Variants in BMPR1B observed in about 807,000 individuals in gnomAD.
BMPR1B encodes bone morphogenetic protein receptor type 1B.
BMPR1B carries 12 observed loss-of-function variants against 59.1 expected under a neutral mutation model. The ratio of observed to expected loss-of-function variants is 0.20; its 90% CI spans 0.13 to 0.33. The LOEUF is 0.33. BMPR1B is among the 10% of genes least tolerant of loss of function. BMPR1B has a pLI of 1.00. For synonymous variants in BMPR1B, 237 were observed against 207.3 expected, an observed-to-expected ratio of 1.14 and a Z score of -1.23; for missense variants, 550 against 610.9, an observed-to-expected ratio of 0.90 and a Z score of 1.05.
intron 3 of BMPR1B, among the ~76,000 whole-genome samples, chr4:95,060,277 C>T (rs1727255995): frequency 6.6e-6 from 1 of 152,142 alleles, no homozygotes; most frequent in Non-Finnish European, 1.5e-5. Flanking sequence ...TTTATTCTTT[C>T]CCTACAGATA....
intron 1 of BMPR1B, among the ~76,000 whole-genome samples, chr4:94,809,777 G>A (rs755830343): frequency 1.1e-4 from 17 of 152,180 alleles, no homozygotes; most frequent in East Asian, 1.9e-4. Flanking sequence ...GCTTGCTCCC[G>A]TAGGGAACAA....
intron 3 of BMPR1B, among the ~76,000 whole-genome samples, chr4:95,033,792 AAGAT>A (rs1355861933): frequency 6.6e-5 from 10 of 152,158 alleles, no homozygotes; most frequent in Non-Finnish European, 1.0e-4. Context: ...AAAGATATCA[AAGAT>A]AGATAAAGAG....
chr4:95,006,386 A>AAG, intron 3 of BMPR1B, among the ~76,000 whole-genome samples: 1 of 151,624 alleles, frequency 6.6e-6, no homozygotes, highest in East Asian at 1.9e-4. Context: ...CAAAAAAAAA[A>AAG]AAAAGTTTTA....
intron 3 of BMPR1B, among the ~76,000 whole-genome samples, chr4:95,031,592 G>T (rs1211535068): frequency 6.6e-6 from 1 of 151,994 alleles, no homozygotes; most frequent in Non-Finnish European, 1.5e-5. Flanking sequence ...TCAAGTAGCT[G>T]GGACTACAGG....
At chr4:94,997,467 G>A (rs1002678999) in intron 3 of BMPR1B, among the ~76,000 whole-genome samples, 2 of 152,194 alleles carry the variant, frequency 1.3e-5, no homozygotes, top group Non-Finnish European at 2.9e-5. Flanking sequence ...TAGCTGTGCA[G>A]TATCACTTTT....
intron 3 of BMPR1B, among the ~76,000 whole-genome samples, chr4:95,083,200 C>T (rs891340197): frequency 6.6e-6 from 1 of 152,068 alleles, no homozygotes; most frequent in African/African-American, 2.4e-5. Flanking sequence ...ATATTTTTAA[C>T]ATAATCATCT....
chr4:94,836,800 T>A (rs1724836570), intron 1 of BMPR1B, among the ~76,000 whole-genome samples: 1 of 148,958 alleles, frequency 6.7e-6, no homozygotes. Flanking sequence ...CTGTTGCCAT[T>A]CCTTTTGGTG....
intron 6 of BMPR1B, among the ~76,000 whole-genome samples, chr4:95,120,807 CCCTT>C (rs1303724093): frequency 6.8e-6 from 1 of 147,252 alleles, no homozygotes; most frequent in African/African-American, 2.5e-5. Context: ...TCCCCTCCCT[CCCTT>C]CCTTACTTCC....
intron 1 of BMPR1B, among the ~76,000 whole-genome samples, chr4:94,795,840 A>G (rs981170826): frequency 6.6e-6 from 1 of 152,210 alleles, no homozygotes; most frequent in African/African-American, 2.4e-5. Context: ...ACAACAAACA[A>G]GCAGCCTCGG....
At chr4:94,955,063 T>C (rs1578846143) in intron 2 of BMPR1B, among the ~76,000 whole-genome samples, 1 of 152,314 alleles carries the variant, frequency 6.6e-6, no homozygotes, top group South Asian at 2.1e-4. Flanking sequence ...AGAACTTATG[T>C]TGCTTTATAG....
chr4:94,759,173 G>A (rs1448675941), intron 1 of BMPR1B, among the ~76,000 whole-genome samples: 1 of 152,218 alleles, frequency 6.6e-6, no homozygotes, highest in Admixed American at 6.5e-5. Flanking sequence ...GTTCCCTTGA[G>A]TTATTAGAAA....
At chr4:94,826,276 A>G (rs1224890630) in intron 1 of BMPR1B, among the ~76,000 whole-genome samples, 1 of 152,226 alleles carries the variant, frequency 6.6e-6, no homozygotes, top group Non-Finnish European at 1.5e-5. Flanking sequence ...GGTGAAGAAT[A>G]TTAAGGTTCA....
chr4:94,946,525 G>T (rs1729714923), intron 2 of BMPR1B, among the ~76,000 whole-genome samples: 1 of 152,140 alleles, frequency 6.6e-6, no homozygotes, highest in African/African-American at 2.4e-5. Context: ...CACAGGATCA[G>T]ATTTGAAATA....
intron 3 of BMPR1B, among the ~76,000 whole-genome samples, chr4:95,079,522 G>A (rs1306151568): frequency 2.0e-5 from 3 of 152,076 alleles, no homozygotes; most frequent in Non-Finnish European, 2.9e-5. Context: ...TTTCATGTAG[G>A]AAAAGAAGGT....
chr4:95,133,551 G>A (rs1733538912), intron 10 of BMPR1B, among the ~76,000 whole-genome samples: 1 of 152,060 alleles, frequency 6.6e-6, no homozygotes. Flanking sequence ...GATCTTCACA[G>A]TTTCTTCCTT....
intron 1 of BMPR1B, among the ~76,000 whole-genome samples, chr4:94,874,878 A>T (rs190249059): frequency 2.6e-5 from 4 of 152,162 alleles, no homozygotes; most frequent in Non-Finnish European, 5.9e-5. Context: ...CTGTAGTCCC[A>T]GCTACTCTGG....
chr4:95,079,594 G>A (rs1411830124), intron 3 of BMPR1B, among the ~76,000 whole-genome samples: 2 of 151,888 alleles, frequency 1.3e-5, no homozygotes, highest in Non-Finnish European at 2.9e-5. Context: ...TCCTAATTTA[G>A]AATTAACAGT....
At chr4:95,131,727 C>A (rs143760152) in intron 10 of BMPR1B, among the ~76,000 whole-genome samples, 1 of 152,198 alleles carries the variant, frequency 6.6e-6, no homozygotes, top group Admixed American at 6.5e-5. Context: ...AGAGACTGTT[C>A]ACATTAGGTT....
chr4:95,152,708 A>G lies in BMPR1B; in HGVS notation c.1318A>G (p.Met440Val), dbSNP rs376221874. 5 of 1,602,462 alleles carry G rather than the reference A, an allele frequency of 3.1e-6. No homozygotes were observed. The highest frequency in any genetic ancestry group is 1.1e-5 in the South Asian group (1 of 88,536). The part of the protein sequence containing the change: ...LVPSDPSYED[M>V]REIVCIKKLR... Reference sequence around the variant, plus strand: ...GCCCAGTGACCCCTCTTATGAGGACATGAGGGAGATTGTGTGCATCAAGAA... The same window carrying G: ...GCCCAGTGACCCCTCTTATGAGGACGTGAGGGAGATTGTGTGCATCAAGAA... The change falls in exon 12 of 13, where the codon ATG becomes GTG. Residue 440 changes from methionine (M) to valine (V), a missense_variant. Met to Val is a conservative substitution (Grantham distance 21). Transcript: ENST00000515059.
Sources: allele counts gnomAD v4.1 joint callset (sites outside exome capture counted in the v4.1 genomes callset), GRCh38; gene constraint gnomAD v4.1.1; transcripts MANE v1.5; gene names NCBI Gene and HGNC (gene_info 2026-07-23, HGNC 2026-07-21).